CHD6: variants seen among roughly 807,000 people sequenced by gnomAD.
CHD6 encodes ATP-dependent chromatin remodeler CHD6.
In CHD6, 50 loss-of-function variants were observed where a neutral mutation model predicts 276.9. That is an observed-to-expected ratio of 0.18 (90% CI 0.14 to 0.23). The LOEUF is 0.23. CHD6 is among the 10% of genes least tolerant of loss of function. CHD6 has a pLI of 1.00. For synonymous variants in CHD6, 1,173 were observed against 1,229.3 expected (o/e 0.95, Z 0.96); for missense variants, 2,564 against 3,365.8 (o/e 0.76, Z 5.89).
chr20:41,605,317 T>C (rs2045816858), intron 1 of CHD6, among the ~76,000 whole-genome samples: 1 of 152,214 alleles, frequency 6.6e-6, no homozygotes, highest in Non-Finnish European at 1.5e-5. Flanking sequence ...AAAAAATGTT[T>C]TTAATTTCTA....
chr20:41,498,936 A>ACTTG (rs2043763427), intron 6 of CHD6, among the ~76,000 whole-genome samples: 1 of 151,850 alleles, frequency 6.6e-6, no homozygotes, highest in African/African-American at 2.4e-5. Context: ...TGGCCTCTCA[A>ACTTG]AGTGATGGGA....
intron 17 of CHD6, among the ~76,000 whole-genome samples, chr20:41,467,397 G>T (rs763723601): frequency 6.6e-6 from 1 of 151,984 alleles, no homozygotes; most frequent in Non-Finnish European, 1.5e-5. Context: ...AAAACCTTTG[G>T]AGTAAAACAC....
At chr20:41,407,565 C>T (rs1034243209) in intron 36 of CHD6, among the ~76,000 whole-genome samples, 2 of 152,234 alleles carry the variant, frequency 1.3e-5, no homozygotes, top group African/African-American at 2.4e-5. Context: ...TTTCCCACTG[C>T]CTCTCTTCTC....
chr20:41,589,028 T>C (rs990294099), intron 1 of CHD6, among the ~76,000 whole-genome samples: 5 of 152,134 alleles, frequency 3.3e-5, no homozygotes, highest in South Asian at 4.2e-4. Context: ...CATGATCAAG[T>C]GGGCTTCATC....
At chr20:41,554,223 C>T (rs1310009523) in intron 1 of CHD6, among the ~76,000 whole-genome samples, 1 of 152,110 alleles carries the variant, frequency 6.6e-6, no homozygotes, top group Non-Finnish European at 1.5e-5. Flanking sequence ...GTATAAAGAA[C>T]TGATACAATT....
intron 5 of CHD6, among the ~76,000 whole-genome samples, chr20:41,503,123 TGA>T (rs2043878133): frequency 6.6e-6 from 1 of 152,230 alleles, no homozygotes; most frequent in South Asian, 2.1e-4. Context: ...GTGTATTTTT[TGA>T]GTTATTCCAG....
chr20:41,441,303 C>T (rs374856844), intron 25 of CHD6, among the ~76,000 whole-genome samples: 2 of 152,126 alleles, frequency 1.3e-5, no homozygotes, highest in Non-Finnish European at 2.9e-5. Flanking sequence ...CCAGATGAGT[C>T]GGTTTTGCCT....
intron 1 of CHD6, among the ~76,000 whole-genome samples, chr20:41,579,299 G>T (rs565852157): frequency 2.6e-5 from 4 of 151,454 alleles, no homozygotes; most frequent in Admixed American, 6.6e-5. Context: ...TTAGCTGGGC[G>T]TGGTGGCTCA....
Position 41,449,208 on chromosome 20 carries a change from GTTTA to G in CHD6, c.3684-1241_3684-1238del, listed in dbSNP as rs370783811. 2.7e-3 allele frequency among the ~76,000 whole-genome samples: 418 copies of G among 152,216 alleles called. 2 individuals carry two copies. Among genetic ancestry groups the G allele is most frequent in the Middle Eastern group, 0.024 (7 of 294 alleles). On this transcript the variant is annotated intron_variant, in intron 23 of 36. Transcript: ENST00000373233. ...GTGAACCACTGCACCCAACCTGTTT[GTTTA>G]TTTATTTATTTTTAAAGCCCAGAGA...
chr20:41,533,027 A>T (rs200514095), intron 3 of CHD6, 23 bp downstream of exon 3: 348 of 1,557,628 alleles, frequency 2.2e-4, no homozygotes, highest in Non-Finnish European at 2.9e-4. Context: ...GCAAGTGCTC[A>T]GAGAAGGGAG....
chr20:41,405,431 G>C lies in CHD6; in HGVS notation c.7310C>G (p.Thr2437Arg), dbSNP rs780452283. 1 of 1,605,954 alleles carries C rather than the reference G, an allele frequency of 6.2e-7. No homozygotes were observed. The highest frequency in any genetic ancestry group is 8.5e-7 in the Non-Finnish European group (1 of 1,175,182). ...HTLAEPILRD[T>R]GPRRRGRRPR... ...CCGCCTCCCCCTCCTGCGGGGGCCC[G>C]TATCTCGAAGAATAGGCTCAGCCAG... The change falls in exon 37 of 37, where the codon ACG (threonine) becomes AGG (arginine). Residue 2437 changes from threonine to arginine, a missense_variant. Coordinates refer to ENST00000373233, the MANE Select transcript of CHD6 (RefSeq NM_032221.5).
At chr20:41,507,900 C>T (rs1468266416) in intron 5 of CHD6, among the ~76,000 whole-genome samples, 1 of 152,132 alleles carries the variant, frequency 6.6e-6, no homozygotes, top group Non-Finnish European at 1.5e-5. Context: ...AGAAACAAAT[C>T]ATGTTTCAAA....
chr20:41,488,519 T>C lies in CHD6; in HGVS notation c.1766A>G (p.Lys589Arg), dbSNP rs1430716427. The change falls in exon 13 of 37, where the codon AAG (lysine) becomes AGG (arginine). Residue 589 changes from lysine (K) to arginine (R), a missense_variant. Transcript: ENST00000373233. ...MILADCPELKKIHWSCVIIDE... is the reference protein window; with the variant it reads ...MILADCPELKRIHWSCVIIDE... ...AATTATCACACAGCTCCAGTGAATC[T>C]TCTTCAACTCTGGGCAGTCTGCTAG... The C allele has an allele frequency of 6.2e-7, 1 of 1,613,962 alleles. No individual in the cohort carries two copies. The highest frequency in any genetic ancestry group is 1.7e-5 in the Admixed American group (1 of 60,020).
intron 6 of CHD6, among the ~76,000 whole-genome samples, chr20:41,498,799 ATGTATGTATGTATG>A (rs1474402895): frequency 9.5e-5 from 9 of 94,776 alleles, no homozygotes; most frequent in African/African-American, 3.7e-4. Flanking sequence ...GTATGTATGT[ATGTATGTATGTATG>A]TGTGTGTGTG....
chr20:41,457,001 G>C (rs2048395338), intron 18 of CHD6, among the ~76,000 whole-genome samples: 1 of 152,208 alleles, frequency 6.6e-6, no homozygotes, highest in Non-Finnish European at 1.5e-5. Context: ...AACGGGCACA[G>C]TTAAAAACTC....
chr20:41,599,164 T>A, intron 1 of CHD6, among the ~76,000 whole-genome samples: 1 of 152,216 alleles, frequency 6.6e-6, no homozygotes, highest in East Asian at 1.9e-4. Flanking sequence ...ATTAAAGGAA[T>A]AGCTGAACAA....
At chr20:41,490,673 C>A (rs377256234) in intron 11 of CHD6, among the ~76,000 whole-genome samples, 5 of 151,818 alleles carry the variant, frequency 3.3e-5, no homozygotes, top group African/African-American at 9.7e-5. Flanking sequence ...ACTAGCAGGG[C>A]GAGGTGGCAA....
At chr20:41,595,533 A>G (rs1408836541) in intron 1 of CHD6, among the ~76,000 whole-genome samples, 2 of 152,144 alleles carry the variant, frequency 1.3e-5, no homozygotes, top group Admixed American at 6.6e-5. Flanking sequence ...GAAAGGGTGC[A>G]AGAAATCTCT....
At chr20:41,524,087 C>T (rs1173080604) in intron 3 of CHD6, among the ~76,000 whole-genome samples, 1 of 152,182 alleles carries the variant, frequency 6.6e-6, no homozygotes, top group Non-Finnish European at 1.5e-5. Context: ...TACTCCACTC[C>T]AGCAACAATG....
Sources: gnomAD v4.1 joint callset for allele counts (sites outside exome capture counted in the v4.1 genomes callset) on GRCh38, gnomAD v4.1.1 for gene constraint, MANE v1.5 for transcripts, NCBI Gene and HGNC (gene_info 2026-07-23, HGNC 2026-07-21) for gene names.